The following GPR39 variants were observed in gnomAD, a reference collection of about 807,000 sequenced individuals.
GPR39 encodes G protein-coupled receptor 39.
GPR39 carries 23 observed loss-of-function variants against 18.4 expected under a neutral mutation model. That is an observed-to-expected ratio of 1.25 (90% CI 0.90 to 1.77). The LOEUF (loss-of-function observed/expected upper bound fraction) is 1.77. Among genes scored for constraint, GPR39 ranks in the 40% most tolerant of loss-of-function variants. The pLI is 0.00. For synonymous variants in GPR39, 280 were observed against 257.9 expected, an observed-to-expected ratio of 1.09 and a Z score of -0.82; for missense variants, 647 against 602.4, an observed-to-expected ratio of 1.07 and a Z score of -0.78.
intron 1 of GPR39, among the ~76,000 whole-genome samples, chr2:132,595,667 G>T (rs1357234379): frequency 6.6e-6 from 1 of 152,068 alleles, no homozygotes; most frequent in African/African-American, 2.4e-5. Context: ...TGGGGAACTT[G>T]TTCAGTATCC....
At chr2:132,633,647 A>G (rs1190332188) in intron 1 of GPR39, among the ~76,000 whole-genome samples, 1 of 152,074 alleles carries the variant, frequency 6.6e-6, no homozygotes, top group Non-Finnish European at 1.5e-5. Flanking sequence ...GACAGTGATG[A>G]TGGTGGTGGT....
At chr2:132,528,307 G>A (rs534070086) in intron 1 of GPR39, among the ~76,000 whole-genome samples, 80 of 152,270 alleles carry the variant, frequency 5.3e-4, no homozygotes, top group African/African-American at 1.7e-3. Context: ...TTTGGTACAA[G>A]TACCATGCTG....
At chr2:132,543,031 T>C (rs1318419538) in intron 1 of GPR39, among the ~76,000 whole-genome samples, 2 of 152,172 alleles carry the variant, frequency 1.3e-5, no homozygotes, top group Admixed American at 6.5e-5. Context: ...TCAGTTTCCA[T>C]TGTGTGCATG....
intron 1 of GPR39, among the ~76,000 whole-genome samples, chr2:132,544,668 G>T (rs1001766229): frequency 3.9e-5 from 6 of 152,236 alleles, no homozygotes; most frequent in Non-Finnish European, 8.8e-5. Flanking sequence ...CAGTTGGGCT[G>T]GGTGTGCACC....
At chr2:132,582,977 A>G (rs113061619) in intron 1 of GPR39, among the ~76,000 whole-genome samples, 3 of 137,452 alleles carry the variant, frequency 2.2e-5, no homozygotes, top group East Asian at 2.1e-4. Context: ...TTGCAGTGAC[A>G]CTATCACAGC....
At chr2:132,457,630 C>T (rs1680754044) in intron 1 of GPR39, among the ~76,000 whole-genome samples, 1 of 152,232 alleles carries the variant, frequency 6.6e-6, no homozygotes, top group African/African-American at 2.4e-5. Context: ...TCTCAGAGCT[C>T]AAACGTCGTG....
Position 132,646,116 on chromosome 2 carries a change from A to AGGCAGAACTTCCCCTTTTCTT in GPR39, c.*513_*533dup, listed in dbSNP as rs2104889330. ...GTGCGGAGCCCTGGCCTGAGGGCCG[A>AGGCAGAACTTCCCCTTTTCTT]GGCAGAACTTCCCCTTTTCTTGGGC... is the stretch of plus-strand genomic sequence containing the variant. On this transcript the variant is annotated 3_prime_UTR_variant, in exon 2 of 2. Coordinates refer to ENST00000329321, the MANE Select transcript of GPR39 (RefSeq NM_001508.3). 1.2e-6 allele frequency: 2 copies of AGGCAGAACTTCCCCTTTTCTT among 1,609,648 alleles called. No homozygotes were observed. Among genetic ancestry groups the AGGCAGAACTTCCCCTTTTCTT allele is most frequent in the East Asian group, 4.5e-5 (2 of 44,590 alleles).
intron 1 of GPR39, among the ~76,000 whole-genome samples, chr2:132,452,937 A>G (rs961950326): frequency 6.6e-6 from 1 of 152,168 alleles, no homozygotes; most frequent in Non-Finnish European, 1.5e-5. Context: ...GCTGCAATAA[A>G]CATACATGTG....
chr2:132,471,393 C>T (rs1358381332), intron 1 of GPR39, among the ~76,000 whole-genome samples: 2 of 152,208 alleles, frequency 1.3e-5, no homozygotes, highest in Non-Finnish European at 1.5e-5. Flanking sequence ...GATAGAGCTT[C>T]AAGCTCAGTG....
At position 132,464,062 on chromosome 2, in the gene GPR39, T is replaced by A. The variant is rs144907916; in HGVS notation, c.856+46164T>A. 1.2e-3 allele frequency among the ~76,000 whole-genome samples: 190 copies of A among 152,322 alleles called. 2 individuals are homozygous for A. The East Asian group carries it at 0.026, about 21-fold the overall frequency. ...TGTCACTTCTGCCACATTCTATTGGTCACAGGAAGTCACAAAGCCAGCCCA... is the reference window on the plus strand; with the variant it reads ...TGTCACTTCTGCCACATTCTATTGGACACAGGAAGTCACAAAGCCAGCCCA... On this transcript the variant is annotated intron_variant, in intron 1 of 1. Coordinates refer to ENST00000329321, the MANE Select transcript of GPR39 (RefSeq NM_001508.3).
chr2:132,485,923 A>G (rs578237635), intron 1 of GPR39, among the ~76,000 whole-genome samples: 127 of 152,266 alleles, frequency 8.3e-4, no homozygotes, highest in African/African-American at 3.0e-3. Flanking sequence ...TGTTCAATTT[A>G]CTTTCCCCAG....
At chr2:132,548,313 A>T (rs1340653741) in intron 1 of GPR39, among the ~76,000 whole-genome samples, 1 of 152,220 alleles carries the variant, frequency 6.6e-6, no homozygotes, top group African/African-American at 2.4e-5. Flanking sequence ...CTTCTGGAAC[A>T]TTCCACTTGG....
intron 1 of GPR39, among the ~76,000 whole-genome samples, chr2:132,614,469 G>T (rs1259912672): frequency 1.3e-5 from 2 of 152,002 alleles, no homozygotes; most frequent in Non-Finnish European, 2.9e-5. Context: ...TTGATCTCTT[G>T]ACCTTGTGAT....
chr2:132,526,994 T>C (rs1400716379), intron 1 of GPR39, among the ~76,000 whole-genome samples: 1 of 152,240 alleles, frequency 6.6e-6, no homozygotes, highest in Non-Finnish European at 1.5e-5. Flanking sequence ...GCAGGTTTAT[T>C]ACCTAAGTAT....
At chr2:132,602,167 C>T (rs111275058) in intron 1 of GPR39, among the ~76,000 whole-genome samples, 27 of 152,060 alleles carry the variant, frequency 1.8e-4, no homozygotes, top group Middle Eastern at 3.4e-3. Context: ...TAGTAACCAA[C>T]ACAGCATAAT....
At chr2:132,624,016 A>C (rs2104862624) in intron 1 of GPR39, among the ~76,000 whole-genome samples, 1 of 152,312 alleles carries the variant, frequency 6.6e-6, no homozygotes, top group African/African-American at 2.4e-5. Flanking sequence ...CTTAAAAGGA[A>C]GCCAGGGATA....
At chr2:132,433,390 G>A (rs760494213) in intron 1 of GPR39, among the ~76,000 whole-genome samples, 1 of 152,052 alleles carries the variant, frequency 6.6e-6, no homozygotes, top group South Asian at 2.1e-4. Context: ...TCTGTGTGAC[G>A]CTAATCATCT....
At chr2:132,630,019 A>G (rs1681619585) in intron 1 of GPR39, among the ~76,000 whole-genome samples, 1 of 152,164 alleles carries the variant, frequency 6.6e-6, no homozygotes, top group South Asian at 2.1e-4. Context: ...CTGTCACTGC[A>G]TGGTTGGGAG....
intron 1 of GPR39, among the ~76,000 whole-genome samples, chr2:132,528,198 A>C (rs1012122163): frequency 6.6e-6 from 1 of 152,130 alleles, no homozygotes; most frequent in Non-Finnish European, 1.5e-5. Context: ...TCCTTTCTCC[A>C]TTGCTTGTTT....
Sources: allele counts gnomAD v4.1 joint callset (sites outside exome capture counted in the v4.1 genomes callset), GRCh38; gene constraint gnomAD v4.1.1; transcripts MANE v1.5; gene names NCBI Gene and HGNC (gene_info 2026-07-23, HGNC 2026-07-21).